CDH18: variants seen among roughly 807,000 people sequenced by gnomAD.
The protein encoded by CDH18 is cadherin-18.
A neutral mutation model predicts 67.9 loss-of-function variants in CDH18; 31 were observed. The ratio of observed to expected loss-of-function variants is 0.46; its 90% CI spans 0.34 to 0.62. The LOEUF is 0.62. Ranked by LOEUF, CDH18 falls within the 20% of genes least tolerant of loss-of-function variation. The pLI, the probability that CDH18 is intolerant of heterozygous loss-of-function variation, is 0.01. For synonymous variants in CDH18, 362 were observed against 347.2 expected, an observed-to-expected ratio of 1.04 and a Z score of -0.48; for missense variants, 890 against 975.5, an observed-to-expected ratio of 0.91 and a Z score of 1.17.
intron 9 of CDH18, among the ~76,000 whole-genome samples, chr5:19,529,363 A>G (rs1033626333): frequency 6.6e-6 from 1 of 152,074 alleles, no homozygotes; most frequent in African/African-American, 2.4e-5. Context: ...TGTAACTATG[A>G]TCACCCTTAT....
intron 2 of CDH18, among the ~76,000 whole-genome samples, chr5:20,192,622 G>T (rs987296966): frequency 1.3e-5 from 2 of 152,046 alleles, no homozygotes; most frequent in Admixed American, 6.6e-5. Flanking sequence ...TTTCCCTATT[G>T]CCTGTTTTTG....
intron 2 of CDH18, among the ~76,000 whole-genome samples, chr5:19,868,954 A>T (rs751793823): frequency 4.6e-5 from 7 of 152,206 alleles, no homozygotes; most frequent in Non-Finnish European, 8.8e-5. Flanking sequence ...GGACTTTAAA[A>T]TGAAAGATTG....
intron 1 of CDH18, among the ~76,000 whole-genome samples, chr5:20,314,394 C>G (rs1183497945): frequency 1.3e-5 from 2 of 152,058 alleles, no homozygotes; most frequent in Non-Finnish European, 2.9e-5. Flanking sequence ...CATTTCCTTT[C>G]ACCATATACA....
At chr5:19,646,401 G>A (rs1296396944) in intron 5 of CDH18, among the ~76,000 whole-genome samples, 2 of 152,100 alleles carry the variant, frequency 1.3e-5, no homozygotes, top group Non-Finnish European at 2.9e-5. Flanking sequence ...GTGCAGTGGT[G>A]TGATCTCGGC....
chr5:20,089,403 G>A (rs186219320), intron 2 of CDH18, among the ~76,000 whole-genome samples: 20 of 152,124 alleles, frequency 1.3e-4, no homozygotes, highest in Non-Finnish European at 2.8e-4. Flanking sequence ...TGGAAAAACT[G>A]GAAGATCACC....
At chr5:19,701,821 T>C (rs989727625) in intron 5 of CDH18, among the ~76,000 whole-genome samples, 2 of 152,120 alleles carry the variant, frequency 1.3e-5, no homozygotes, top group Non-Finnish European at 2.9e-5. Context: ...TTAGAAATAA[T>C]GAGACTTCCC....
At chr5:19,770,188 C>T (rs1368582086) in intron 3 of CDH18, among the ~76,000 whole-genome samples, 1 of 151,634 alleles carries the variant, frequency 6.6e-6, no homozygotes, top group East Asian at 1.9e-4. Flanking sequence ...ATATATTTTC[C>T]CTGAAATTCA....
intron 6 of CDH18, among the ~76,000 whole-genome samples, chr5:19,592,380 T>C (rs2150030953): frequency 6.6e-6 from 1 of 152,184 alleles, no homozygotes; most frequent in African/African-American, 2.4e-5. Flanking sequence ...ATAATTATTT[T>C]ATTGACAAGT....
In CDH18 at chr5:20,028,759, C is replaced by T. The variant is rs566215390; in HGVS notation, c.-517-36745G>A. ...AGTGGAACAGAGCATGATTTCATCA[C>T]GCTACTCAGAACATCACAGAATTTA... On this transcript the variant is annotated intron_variant, in intron 2 of 14. Coordinates refer to the CDH18 transcript ENST00000507958. Among the ~76,000 whole-genome samples the T allele has an allele frequency of 1.1e-4, 16 of 152,238 alleles. No individual in the cohort carries two copies. In the East Asian group the frequency reaches 2.1e-3, roughly 20 times the overall value.
intron 1 of CDH18, among the ~76,000 whole-genome samples, chr5:20,294,117 C>G (rs187416345): frequency 6.6e-6 from 1 of 152,138 alleles, no homozygotes; most frequent in Non-Finnish European, 1.5e-5. Context: ...TAATATTTAC[C>G]ACCTTTAATC....
At chr5:20,023,072 C>G (rs1459791387) in intron 2 of CDH18, among the ~76,000 whole-genome samples, 1 of 152,074 alleles carries the variant, frequency 6.6e-6, no homozygotes, top group Non-Finnish European at 1.5e-5. Flanking sequence ...CACACCAAAC[C>G]TAATAGAGTA....
chr5:20,059,216 CT>C (rs1174898156), intron 2 of CDH18, among the ~76,000 whole-genome samples: 7 of 151,914 alleles, frequency 4.6e-5, no homozygotes, highest in African/African-American at 1.7e-4. Flanking sequence ...TGATTCTTCT[CT>C]CTTTTCTTCT....
intron 5 of CDH18, among the ~76,000 whole-genome samples, chr5:19,718,027 T>C (rs1296761789): frequency 1.3e-5 from 2 of 151,974 alleles, no homozygotes; most frequent in Non-Finnish European, 2.9e-5. Flanking sequence ...ACTGATAAGA[T>C]TTCAGTGTAA....
chr5:19,703,824 G>C (rs1001409768), intron 5 of CDH18, among the ~76,000 whole-genome samples: 1 of 149,116 alleles, frequency 6.7e-6, no homozygotes, highest in African/African-American at 2.5e-5. Context: ...TAATCAATAT[G>C]GACTAGGTTC....
intron 3 of CDH18, among the ~76,000 whole-genome samples, chr5:19,773,036 T>C (rs1349280885): frequency 1.3e-5 from 2 of 152,202 alleles, no homozygotes; most frequent in Non-Finnish European, 2.9e-5. Context: ...CTGATATTCA[T>C]ATTCATAATG....
At chr5:20,111,546 CTTT>C (rs760458451) in intron 2 of CDH18, among the ~76,000 whole-genome samples, 3 of 51,906 alleles carry the variant, frequency 5.8e-5, no homozygotes, top group East Asian at 4.5e-4. Context: ...TTCCTTCTTT[CTTT>C]TTTTTTTTTT....
chr5:20,120,081 T>G (rs1279529296), intron 2 of CDH18, among the ~76,000 whole-genome samples: 1 of 152,130 alleles, frequency 6.6e-6, no homozygotes, highest in Non-Finnish European at 1.5e-5. Flanking sequence ...TAGCAAAGAC[T>G]TCCTACTTTG....
chr5:20,266,763 G>T (rs1251631880), intron 1 of CDH18, among the ~76,000 whole-genome samples: 1 of 151,492 alleles, frequency 6.6e-6, no homozygotes, highest in Admixed American at 6.6e-5. Flanking sequence ...AAAGGAAGAG[G>T]GGAAGATATA....
intron 5 of CDH18, among the ~76,000 whole-genome samples, chr5:19,706,490 A>C (rs564849047): frequency 6.6e-6 from 1 of 152,180 alleles, no homozygotes; most frequent in East Asian, 1.9e-4. Context: ...ATCCTTGAGG[A>C]TTGGAACCTA....
Sources: allele counts gnomAD v4.1 joint callset (sites outside exome capture counted in the v4.1 genomes callset), GRCh38; gene constraint gnomAD v4.1.1; transcripts MANE v1.5; gene names NCBI Gene and HGNC (gene_info 2026-07-23, HGNC 2026-07-21).